Variants in DGKD observed in about 807,000 individuals in gnomAD.
The protein encoded by DGKD is diacylglycerol kinase delta.
In DGKD, 68 loss-of-function variants were observed where a neutral mutation model predicts 154.4. That is an observed-to-expected ratio of 0.44 (90% CI 0.36 to 0.54). The LOEUF is 0.54. Ranked by LOEUF, DGKD falls within the 20% of genes least tolerant of loss-of-function variation. The probability of loss-of-function intolerance (pLI) is 0.00; values close to 1 mark genes in which losing one functional copy is unlikely to be tolerated. For synonymous variants in DGKD, 693 were observed against 638.0 expected (o/e 1.09, Z -1.30); for missense variants, 1,343 against 1,593.6 (o/e 0.84, Z 2.68).
intron 1 of DGKD, among the ~76,000 whole-genome samples, chr2:233,377,429 C>A (rs746615654): frequency 8.0e-4 from 122 of 152,262 alleles, no homozygotes; most frequent in Non-Finnish European, 1.3e-3. Context: ...TATCTTTTTA[C>A]TTGCTCTGAT....
In DGKD at chr2:233,445,577, C is replaced by G; in HGVS notation, c.1195-46C>G. ...AGGGCTGCGGGCTGGGAAGTGGCCC[C>G]TGCCCCCAGGTGTTTGCCTGCGCAT... is the stretch of plus-strand genomic sequence containing the variant. On this transcript the variant is annotated intron_variant, in intron 10 of 29. Coordinates refer to ENST00000264057, the MANE Select transcript of DGKD (RefSeq NM_152879.3). This position sits in a 1 kb window ranked among gnomAD's most constrained non-coding sequence, Gnocchi z 5.5. 3.9e-6 allele frequency: 6 copies of G among 1,542,518 alleles called. No individual in the cohort carries two copies. The highest frequency in any genetic ancestry group is 1.8e-4 in the Middle Eastern group (1 of 5,564).
intron 1 of DGKD, among the ~76,000 whole-genome samples, chr2:233,387,928 G>A (rs540417583): frequency 4.6e-5 from 7 of 152,340 alleles, no homozygotes; most frequent in African/African-American, 1.7e-4. Context: ...CCGCGTCCCA[G>A]TGTCCTCCCA....
intron 12 of DGKD, among the ~76,000 whole-genome samples, chr2:233,447,178 G>T (rs368362654): frequency 8.5e-6 from 1 of 117,318 alleles, no homozygotes; most frequent in Non-Finnish European, 1.7e-5. Flanking sequence ...CGGCTCTGCC[G>T]CGGCTCTCCC....
At chr2:233,416,504 A>G (rs2061964209) in intron 3 of DGKD, among the ~76,000 whole-genome samples, 1 of 152,208 alleles carries the variant, frequency 6.6e-6, no homozygotes, top group African/African-American at 2.4e-5. Flanking sequence ...CGGGTAGCTT[A>G]TGAAACTCTT....
In DGKD at chr2:233,457,129, C is replaced by T. The variant is rs1448462443; in HGVS notation, c.2473-92C>T. ...TGGGGATGCCCTGGCCACGGCTGTG[C>T]TCCTGAGCCCCTGGCGGTGGGAAGC... On this transcript the variant is annotated intron_variant, in intron 20 of 29. Coordinates refer to ENST00000264057, the MANE Select transcript of DGKD (RefSeq NM_152879.3). This position sits in a 1 kb window ranked among gnomAD's most constrained non-coding sequence, Gnocchi z 5.5. The T allele has an allele frequency of 6.1e-6, 8 of 1,310,862 alleles. No homozygotes were observed. The highest frequency in any genetic ancestry group is 8.6e-6 in the Non-Finnish European group (8 of 931,918). 81.2% of individuals were successfully genotyped at this position (1,310,862 alleles called of 1,614,324 possible).
At chr2:233,442,667 G>A (rs558925703) in intron 10 of DGKD, 78 of 161,296 alleles carry the variant, frequency 4.8e-4, no homozygotes, top group Middle Eastern at 3.3e-3. Context: ...GTGCAGTGGT[G>A]CGATCTCGGC....
rs772070668 is a variant in DGKD at position 233,436,357 on chromosome 2, G to A, written c.735G>A (p.Val245=). ...PHQWLEGNLP[V]SAKCTVCDKT... Reference sequence around the variant, plus strand: ...AGTGGTTGGAAGGAAACCTACCTGTGAGCGCCAAGTGCACTGTGTGCGACA... The same window carrying A: ...AGTGGTTGGAAGGAAACCTACCTGTAAGCGCCAAGTGCACTGTGTGCGACA... The change falls in exon 7 of 30, where the codon GTG becomes GTA. Residue 245 remains valine (V), a synonymous_variant. Transcript: ENST00000264057. 1 of 1,614,210 alleles carries A rather than the reference G, an allele frequency of 6.2e-7. No individual in the cohort carries two copies. Among genetic ancestry groups the A allele is most frequent in the Non-Finnish European group, 8.5e-7 (1 of 1,180,042 alleles).
intron 3 of DGKD, among the ~76,000 whole-genome samples, chr2:233,422,528 T>C (rs995456944): frequency 5.9e-5 from 9 of 152,192 alleles, no homozygotes; most frequent in Admixed American, 5.9e-4. Flanking sequence ...TTTGAGAATG[T>C]GTACCAAAGG....
In DGKD at chr2:233,354,773, T is replaced by TCGGCCCGGCC. The variant is rs956561155; in HGVS notation, c.156+103_156+112dup. The TCGGCCCGGCC allele has an allele frequency of 5.8e-6, 4 of 689,940 alleles. No homozygotes were observed. In the South Asian group the frequency reaches 2.5e-4, roughly 44 times the overall value. The allele number at this position is 689,940 out of a possible 1,614,324, so 42.7% of individuals were successfully genotyped here. Reference sequence around the variant, plus strand: ...GCCCGAGCGGCCGCCCAGGCCCGGCTCGGCCCGGCCCGGGGTCCCGCGGGC... The same window carrying TCGGCCCGGCC: ...GCCCGAGCGGCCGCCCAGGCCCGGCTCGGCCCGGCCCGGCCCGGCCCGGGGTCCCGCGGGC... On this transcript the variant is annotated intron_variant, in intron 1 of 29. Coordinates refer to ENST00000264057, the MANE Select transcript of DGKD (RefSeq NM_152879.3). This position sits in a 1 kb window ranked among gnomAD's most constrained non-coding sequence, Gnocchi z 4.8.
chr2:233,384,736 T>G (rs1165620010), intron 1 of DGKD, among the ~76,000 whole-genome samples: 1 of 152,132 alleles, frequency 6.6e-6, no homozygotes, highest in African/African-American at 2.4e-5. Context: ...TCTGGAGTGT[T>G]CTGCCAGCCT....
chr2:233,434,815 A>T lies in DGKD; in HGVS notation c.500A>T (p.Tyr167Phe). The T allele has an allele frequency of 6.2e-7, 1 of 1,614,198 alleles. No homozygotes were observed. The highest frequency in any genetic ancestry group is 1.1e-5 in the South Asian group (1 of 91,086). Residue 167 changes from tyrosine (Y) to phenylalanine (F), a missense_variant, in exon 5 of 30, where the codon TAC becomes TTC. Around this residue, in one of 6 missense-constraint regions of DGKD, gnomAD observed 332 missense variants for 400.1 expected, o/e 0.83. Coordinates refer to ENST00000264057, the MANE Select transcript of DGKD (RefSeq NM_152879.3). ...CACTTCTCAGGGATGCACAATTGGT[A>T]CGCCTGTTCCCACGCGAGGCCGACC... ...MDHFSGMHNW[Y>F]ACSHARPTYC...
chr2:233,432,546 C>T (rs1300875764), intron 3 of DGKD, among the ~76,000 whole-genome samples: 15 of 152,186 alleles, frequency 9.9e-5, no homozygotes, highest in Admixed American at 9.8e-4. Flanking sequence ...GTAGTCCCAG[C>T]TACTCGGGAG....
intron 1 of DGKD, among the ~76,000 whole-genome samples, chr2:233,383,442 TC>T (rs1703005303): frequency 6.6e-6 from 1 of 152,220 alleles, no homozygotes; most frequent in South Asian, 2.1e-4. Flanking sequence ...TTTATCTCTT[TC>T]TGAGGTGTCT....
chr2:233,455,176 G>T (rs970946253), intron 19 of DGKD, among the ~76,000 whole-genome samples: 1 of 152,214 alleles, frequency 6.6e-6, no homozygotes, highest in Non-Finnish European at 1.5e-5. Context: ...AAAGCGGCAG[G>T]TGTGCCAAGA....
At chr2:233,461,387 G>T (rs960338145) in intron 24 of DGKD, among the ~76,000 whole-genome samples, 11 of 152,266 alleles carry the variant, frequency 7.2e-5, no homozygotes, top group African/African-American at 2.2e-4. Flanking sequence ...CAGATGGATC[G>T]TCTGTGCCAG....
At chr2:233,421,051 T>A (rs1212032369) in intron 3 of DGKD, among the ~76,000 whole-genome samples, 1 of 152,166 alleles carries the variant, frequency 6.6e-6, no homozygotes, top group Non-Finnish European at 1.5e-5. Flanking sequence ...GTGATCTCAT[T>A]TCTATAGTGT....
rs1404308006 is a variant in DGKD, at chr2:233,440,248, A to T, written c.1086-1639A>T. ...CTTCATGTTCCAGTTCCTGGCCTTG[A>T]CCTGTCACCTCTTCTCCCGAGAGCA... On this transcript the variant is annotated intron_variant, in intron 9 of 29. Coordinates refer to ENST00000264057, the MANE Select transcript of DGKD (RefSeq NM_152879.3). This position sits in a 1 kb window ranked among gnomAD's most constrained non-coding sequence, Gnocchi z 4.9. 6.6e-6 allele frequency among the ~76,000 whole-genome samples: 1 copy of T among 152,082 alleles called. No homozygotes were observed. Among genetic ancestry groups the T allele is most frequent in the African/African-American group, 2.4e-5 (1 of 41,412 alleles).
chr2:233,423,285 G>A (rs2062180378), intron 3 of DGKD, among the ~76,000 whole-genome samples: 2 of 152,074 alleles, frequency 1.3e-5, no homozygotes, highest in South Asian at 4.1e-4. Context: ...GAGTGTAATT[G>A]CTGGGTCATA....
chr2:233,447,526 ATTTTT>A, intron 12 of DGKD: 1 of 976,398 alleles, frequency 1.0e-6, no homozygotes, highest in Non-Finnish European at 1.2e-6. Context: ...TTAAAAAAAA[ATTTTT>A]TTTTTGAGAG....
Sources: gnomAD v4.1 joint callset for allele counts (sites outside exome capture counted in the v4.1 genomes callset) on GRCh38, gnomAD v4.1.1 for gene constraint, gnomAD v4.1.1 regional missense constraint, Gnocchi (gnomAD v3.1) non-coding constraint, MANE v1.5 for transcripts, NCBI Gene and HGNC (gene_info 2026-07-23, HGNC 2026-07-21) for gene names.